The following KSR2 variants were observed in gnomAD, a reference collection of about 807,000 sequenced individuals.
KSR2 encodes kinase suppressor of ras 2.
In KSR2, 25 loss-of-function variants were observed where a neutral mutation model predicts 107.8. The ratio of observed to expected loss-of-function variants is 0.23; its 90% CI spans 0.17 to 0.32. The LOEUF (loss-of-function observed/expected upper bound fraction) is 0.32, where lower values mean the gene tolerates loss of function less well. Among genes scored for constraint, KSR2 ranks in the 10% least tolerant of loss-of-function variants. The pLI, the probability that KSR2 is intolerant of heterozygous loss-of-function variation, is 1.00. For synonymous variants in KSR2, 480 were observed against 507.0 expected, an observed-to-expected ratio of 0.95 and a Z score of 0.71; for missense variants, 887 against 1,268.9, an observed-to-expected ratio of 0.70 and a Z score of 4.57.
At chr12:117,844,084 A>C (rs922428956) in intron 3 of KSR2, among the ~76,000 whole-genome samples, 2 of 152,136 alleles carry the variant, frequency 1.3e-5, no homozygotes, top group Non-Finnish European at 2.9e-5. Context: ...CAGAAGGGAT[A>C]CTGTTCCAGA....
intron 3 of KSR2, among the ~76,000 whole-genome samples, chr12:117,807,494 A>T (rs1891050222): frequency 6.6e-6 from 1 of 152,240 alleles, no homozygotes; most frequent in South Asian, 2.1e-4. Flanking sequence ...GTTATCACCA[A>T]ATATCAGCTC....
intron 1 of KSR2, among the ~76,000 whole-genome samples, chr12:117,901,275 A>C (rs1414479364): frequency 6.6e-6 from 1 of 151,984 alleles, no homozygotes; most frequent in African/African-American, 2.4e-5. Context: ...AAACTATGCG[A>C]TATTTTAATG....
chr12:117,813,415 TAAG>T lies in KSR2; in HGVS notation c.472+42010_472+42012del, dbSNP rs1203894336. On this transcript the variant is annotated intron_variant, in intron 3 of 19. Coordinates refer to ENST00000339824, the MANE Select transcript of KSR2 (RefSeq NM_173598.6). ...ACACGGGACTAATAACCAAAATATT[TAAG>T]AAGCTCAAACAACTCATTAGCAAAA... Among the ~76,000 whole-genome samples the T allele has an allele frequency of 3.9e-5, 6 of 152,224 alleles. No individual in the cohort carries two copies. The East Asian group carries it at 1.2e-3, about 29-fold the overall frequency.
intron 3 of KSR2, among the ~76,000 whole-genome samples, chr12:117,768,595 G>A (rs182176843): frequency 9.9e-4 from 151 of 152,214 alleles, no homozygotes; most frequent in Middle Eastern, 6.8e-3. Flanking sequence ...AGAAAGGATT[G>A]GACAGGGCCC....
chr12:117,741,504 G>A (rs796308906), intron 4 of KSR2, among the ~76,000 whole-genome samples: 9 of 152,080 alleles, frequency 5.9e-5, no homozygotes, highest in East Asian at 3.9e-4. Flanking sequence ...CAGCCTAGGC[G>A]ACAGAGCAAG....
At chr12:117,749,167 A>G (rs932261992) in intron 4 of KSR2, among the ~76,000 whole-genome samples, 2 of 109,786 alleles carry the variant, frequency 1.8e-5, no homozygotes, top group African/African-American at 9.0e-5. Flanking sequence ...AGGCCGAGAC[A>G]CAGGTGCTTG....
intron 3 of KSR2, among the ~76,000 whole-genome samples, chr12:117,847,353 C>T (rs1379095316): frequency 1.3e-5 from 2 of 152,226 alleles, no homozygotes; most frequent in Non-Finnish European, 2.9e-5. Context: ...TGTCCTATTT[C>T]GGGGGCCACT....
intron 5 of KSR2, among the ~76,000 whole-genome samples, chr12:117,633,851 G>T (rs1882923482): frequency 6.6e-6 from 1 of 152,282 alleles, no homozygotes; most frequent in Non-Finnish European, 1.5e-5. Flanking sequence ...ACAAATTGGG[G>T]GTGGAATTTC....
chr12:117,664,768 G>T (rs776857346), intron 5 of KSR2, among the ~76,000 whole-genome samples: 9 of 152,066 alleles, frequency 5.9e-5, no homozygotes, highest in Admixed American at 1.3e-4. Flanking sequence ...GATTCAGAAG[G>T]GACCCCATGG....
chr12:117,679,886 C>T (rs1565957820), intron 4 of KSR2, among the ~76,000 whole-genome samples: 1 of 152,178 alleles, frequency 6.6e-6, no homozygotes, highest in Non-Finnish European at 1.5e-5. Context: ...CCTTGGACCA[C>T]AGTCATGCCT....
intron 9 of KSR2, among the ~76,000 whole-genome samples, chr12:117,545,022 C>A (rs1301461234): frequency 6.6e-6 from 1 of 152,044 alleles, no homozygotes; most frequent in Non-Finnish European, 1.5e-5. Flanking sequence ...TTTCTGATTT[C>A]TTTTATCACG....
intron 4 of KSR2, among the ~76,000 whole-genome samples, chr12:117,725,064 CCTCT>C (rs5801250): frequency 1.2e-3 from 167 of 142,764 alleles, no homozygotes; most frequent in African/African-American, 2.8e-3. Flanking sequence ...GGCTTAATTC[CCTCT>C]CTCTCTCTCT....
rs1310394609 is a variant in KSR2, at chr12:117,907,419, G to A, written c.181-46988C>T. ...GCTGGGTCTGCGTGCTCAAGACGAC[G>A]CTCAGCAGGTATCTCAGGTGAGATC... On this transcript the variant is annotated intron_variant, in intron 1 of 19. Coordinates refer to ENST00000339824, the MANE Select transcript of KSR2 (RefSeq NM_173598.6). The surrounding 1 kb of genome is among the most constrained non-coding windows in gnomAD (Gnocchi z 4.3). Among the ~76,000 whole-genome samples the A allele has an allele frequency of 6.6e-6, 1 of 152,122 alleles. No individual in the cohort carries two copies. The highest frequency in any genetic ancestry group is 1.5e-5 in the Non-Finnish European group (1 of 68,032).
At chr12:117,626,843 T>C (rs913623436) in intron 5 of KSR2, among the ~76,000 whole-genome samples, 1 of 152,162 alleles carries the variant, frequency 6.6e-6, no homozygotes, top group African/African-American at 2.4e-5. Context: ...GGAACCTAAG[T>C]CTCTTTGTAG....
intron 10 of KSR2, among the ~76,000 whole-genome samples, chr12:117,535,955 T>C (rs748214678): frequency 1.3e-5 from 2 of 151,932 alleles, no homozygotes; most frequent in Non-Finnish European, 2.9e-5. Context: ...TGTCACCTTA[T>C]ACTGAGCCAT....
At position 117,467,080 on chromosome 12, in the gene KSR2, G is replaced by A. The variant is rs190945396; in HGVS notation, c.*119C>T. 3.0e-5 allele frequency: 15 copies of A among 505,338 alleles called. No individual in the cohort carries two copies. The highest frequency in any genetic ancestry group is 7.8e-5 in the Admixed American group (2 of 25,480). 31.3% of individuals were successfully genotyped at this position (505,338 alleles called of 1,614,324 possible). ...AGCAGTTGTCCAGTGCTCCCAGGTCGGTCGGGGTTGGTACCCTCTGATGCT... is the reference window on the plus strand; with the variant it reads ...AGCAGTTGTCCAGTGCTCCCAGGTCAGTCGGGGTTGGTACCCTCTGATGCT... On this transcript the variant is annotated 3_prime_UTR_variant, in exon 20 of 20. Coordinates refer to ENST00000339824, the MANE Select transcript of KSR2 (RefSeq NM_173598.6).
chr12:117,917,382 T>A lies in KSR2; in HGVS notation c.180+50694A>T, dbSNP rs541845649. On this transcript the variant is annotated intron_variant, in intron 1 of 19. Transcript: ENST00000339824. ...ATAGCGAGACCCTGTCTCTAAAAAA[T>A]TTTTTTTTAATTAGTTGGGTGTGGT... Among the ~76,000 whole-genome samples, 278 of 151,622 alleles carry A rather than the reference T, an allele frequency of 1.8e-3. 1 individual carries two copies. The highest frequency in any genetic ancestry group is 5.1e-3 in the African/African-American group (213 of 41,372).
intron 14 of KSR2, among the ~76,000 whole-genome samples, chr12:117,489,487 C>T (rs1297531739): frequency 6.9e-6 from 1 of 145,544 alleles, no homozygotes; most frequent in Non-Finnish European, 1.5e-5. Flanking sequence ...GCAGAGGCTG[C>T]AGTGCATGGA....
chr12:117,671,868 C>A (rs148580775), intron 4 of KSR2, among the ~76,000 whole-genome samples: 1 of 150,466 alleles, frequency 6.6e-6, no homozygotes, highest in South Asian at 2.1e-4. Context: ...AGCCTCCTTG[C>A]AGATTTTCAG....
Sources: gnomAD v4.1 joint callset for allele counts (sites outside exome capture counted in the v4.1 genomes callset) on GRCh38, gnomAD v4.1.1 for gene constraint, Gnocchi (gnomAD v3.1) non-coding constraint, MANE v1.5 for transcripts, NCBI Gene and HGNC (gene_info 2026-07-23, HGNC 2026-07-21) for gene names.